C4orf51: variants seen among roughly 807,000 people sequenced by gnomAD.
C4orf51 encodes the protein chromosome 4 open reading frame 51, also known as uncharacterized protein C4orf51.
A neutral mutation model predicts 25.2 loss-of-function variants in C4orf51; 25 were observed. The ratio of observed to expected loss-of-function variants is 0.99; its 90% CI spans 0.72 to 1.39. The LOEUF is 1.39. C4orf51 is among the 40% of genes most tolerant of loss of function. The pLI is 0.00. For missense variants in C4orf51, 252 were observed against 239.6 expected (o/e 1.05, Z -0.34); for synonymous variants, 100 against 84.5 (o/e 1.18, Z -1.01).
chr4:145,775,644 A>G, downstream of C4orf51: 1 of 1,022,100 alleles, frequency 9.8e-7, no homozygotes, highest in Non-Finnish European at 1.4e-6. Context: ...GCAGGGCTCA[A>G]TCTGAGCAAA....
At chr4:145,791,555 TA>T in the C4orf51 span, among the ~76,000 whole-genome samples, 1 of 152,336 alleles carries the variant, frequency 6.6e-6, no homozygotes, top group African/African-American at 2.4e-5. Context: ...ATAAGTAGCA[TA>T]GTTGGCAAAT....
chr4:145,768,330 A>G (rs944138707), intron 1 of C4orf51, among the ~76,000 whole-genome samples: 13 of 151,898 alleles, frequency 8.6e-5, no homozygotes, highest in African/African-American at 2.4e-4. Flanking sequence ...ATGCCTGGCT[A>G]ATTTTTGTAT....
intron 1 of C4orf51, among the ~76,000 whole-genome samples, chr4:145,738,839 C>T (rs1732948745): frequency 6.6e-6 from 1 of 152,088 alleles, no homozygotes; most frequent in Admixed American, 6.5e-5. Flanking sequence ...TGAGGTTTCA[C>T]CATGTTGCCC....
chr4:145,691,517 C>T (rs569408141), intron 1 of C4orf51, among the ~76,000 whole-genome samples: 142 of 152,246 alleles, frequency 9.3e-4, no homozygotes, highest in African/African-American at 3.3e-3. Context: ...GCACTATTCA[C>T]CATAGCAAAG....
chr4:145,687,905 C>T (rs1729273796), intron 1 of C4orf51, among the ~76,000 whole-genome samples: 1 of 151,944 alleles, frequency 6.6e-6, no homozygotes, highest in Non-Finnish European at 1.5e-5. Flanking sequence ...AGGAAAACAT[C>T]GCATGATATA....
At chr4:145,790,266 C>G in the C4orf51 span, among the ~76,000 whole-genome samples, 1 of 152,080 alleles carries the variant, frequency 6.6e-6, no homozygotes, top group Non-Finnish European at 1.5e-5. Context: ...AGAATTTCCT[C>G]TTTTCTCTTG....
chr4:145,782,870 G>C, the C4orf51 span, among the ~76,000 whole-genome samples: 16 of 152,160 alleles, frequency 1.1e-4, no homozygotes, highest in Admixed American at 1.0e-3. Context: ...TCCACCAAAA[G>C]CTACTCCCCG....
In C4orf51 at chr4:145,765,868, C is replaced by T. The variant is rs1051811882; in HGVS notation, n.167-5120C>T. ...GGGGCACAGGCTCATGTCCCCAGCT[C>T]CCCCACTGCTGGGGGATCCCAGGTC... On this transcript the variant is annotated intron_variant and non_coding_transcript_variant, in intron 1 of 1. Coordinates refer to the C4orf51 transcript ENST00000510096. This position sits in a 1 kb window ranked among gnomAD's most constrained non-coding sequence, Gnocchi z 4.7. 2 of 899,178 alleles carry T rather than the reference C, an allele frequency of 2.2e-6. No homozygotes were observed. Among genetic ancestry groups the T allele is most frequent in the South Asian group, 1.9e-5 (1 of 53,296 alleles). 55.7% of individuals were successfully genotyped at this position (899,178 alleles called of 1,614,324 possible).
chr4:145,733,007 G>A (rs541610301), downstream of C4orf51, among the ~76,000 whole-genome samples: 4 of 152,314 alleles, frequency 2.6e-5, no homozygotes, highest in East Asian at 1.9e-4. Flanking sequence ...AGGCGCCGCC[G>A]GGAAGCGAAT....
chr4:145,716,151 A>G (rs752565344), intron 2 of C4orf51, among the ~76,000 whole-genome samples: 99 of 152,200 alleles, frequency 6.5e-4, no homozygotes, highest in Non-Finnish European at 7.8e-4. Context: ...TAAACTTCCA[A>G]ATTCCAGTTG....
intron 1 of C4orf51, among the ~76,000 whole-genome samples, chr4:145,747,092 G>GT (rs1733409497): frequency 6.6e-6 from 1 of 152,008 alleles, no homozygotes; most frequent in African/African-American, 2.4e-5. Context: ...AGTTCTAATA[G>GT]TTTTTTGGTG....
At chr4:145,764,875 C>G in intron 1 of C4orf51, 1 of 1,472,076 alleles carries the variant, frequency 6.8e-7, no homozygotes, top group Non-Finnish European at 9.4e-7. Flanking sequence ...CCTCTCATAC[C>G]AAGCTCCCCT....
intron 1 of C4orf51, among the ~76,000 whole-genome samples, chr4:145,741,779 C>A (rs59608019): frequency 0.03 from 4,509 of 152,086 alleles, 213 homozygotes; most frequent in African/African-American, 0.1. Flanking sequence ...CTCACTGCAA[C>A]CTCTGCCTCC....
chr4:145,687,469 T>C (rs879366740), intron 1 of C4orf51, among the ~76,000 whole-genome samples: 6 of 152,218 alleles, frequency 3.9e-5, no homozygotes, highest in Non-Finnish European at 8.8e-5. Flanking sequence ...CTAAATTAAC[T>C]GAGACATGTC....
At chr4:145,685,896 T>A (rs1482869351) in intron 1 of C4orf51, among the ~76,000 whole-genome samples, 2 of 152,164 alleles carry the variant, frequency 1.3e-5, no homozygotes, top group African/African-American at 4.8e-5. Flanking sequence ...TACACTCATA[T>A]AACCCATGAG....
At chr4:145,759,268 G>C (rs1035023615), downstream of C4orf51, 5 of 152,132 alleles carry the variant, frequency 3.3e-5, no homozygotes, top group African/African-American at 1.2e-4. Flanking sequence ...AACATATTCA[G>C]CCAAAGATTT....
the C4orf51 span, among the ~76,000 whole-genome samples, chr4:145,783,233 C>G: frequency 6.6e-6 from 1 of 152,054 alleles, no homozygotes; most frequent in Non-Finnish European, 1.5e-5. Context: ...ATAAGAGGTG[C>G]TTAGTATATA....
At chr4:145,716,066 A>G (rs908093655) in intron 2 of C4orf51, among the ~76,000 whole-genome samples, 3 of 152,372 alleles carry the variant, frequency 2.0e-5, no homozygotes, top group Middle Eastern at 3.4e-3. Context: ...GGTTAACACT[A>G]ATTGTTATAG....
Position 145,765,440 on chromosome 4 carries a change from G to A in C4orf51, n.167-5548G>A, listed in dbSNP as rs1234925311. Reference sequence around the variant, plus strand: ...GGTGAGGCCCAGCATACTGCATCCTGGGCCTATTATCAGTTTTTGACATCG... The same window carrying A: ...GGTGAGGCCCAGCATACTGCATCCTAGGCCTATTATCAGTTTTTGACATCG... On this transcript the variant is annotated intron_variant and non_coding_transcript_variant, in intron 1 of 1. Transcript: ENST00000510096. The surrounding 1 kb of genome is among the most constrained non-coding windows in gnomAD (Gnocchi z 4.7). 1 of 1,333,726 alleles carries A rather than the reference G, an allele frequency of 7.5e-7. No individual in the cohort carries two copies. Among genetic ancestry groups the A allele is most frequent in the Non-Finnish European group, 1.0e-6 (1 of 982,140 alleles). 82.6% of individuals were successfully genotyped at this position (1,333,726 alleles called of 1,614,324 possible). A position where few individuals can be genotyped will look rare whatever the true frequency, so the allele number is the denominator to read the frequency against.
Sources: allele counts gnomAD v4.1 joint callset (sites outside exome capture counted in the v4.1 genomes callset), GRCh38; gene constraint gnomAD v4.1.1; non-coding constraint Gnocchi (gnomAD v3.1); transcripts MANE v1.5; gene names NCBI Gene and HGNC (gene_info 2026-07-23, HGNC 2026-07-21).